CHRM2: variants seen among roughly 807,000 people sequenced by gnomAD.
CHRM2 encodes muscarinic acetylcholine receptor M2.
In CHRM2, 8 loss-of-function variants were observed where a neutral mutation model predicts 25.0. That is an observed-to-expected ratio of 0.32 (90% CI 0.19 to 0.58). CHRM2 has a LOEUF of 0.58. CHRM2 is among the 20% of genes least tolerant of loss of function. The pLI, the probability that CHRM2 is intolerant of heterozygous loss-of-function variation, is 0.88. For missense variants in CHRM2, 440 were observed against 567.1 expected (o/e 0.78, Z 2.28); for synonymous variants, 202 against 205.7 (o/e 0.98, Z 0.15).
intron 2 of CHRM2, among the ~76,000 whole-genome samples, chr7:136,945,116 A>T (rs1463026353): frequency 6.6e-6 from 1 of 151,328 alleles, no homozygotes; most frequent in Non-Finnish European, 1.5e-5. Flanking sequence ...TTCTTTATAG[A>T]TTCTGGATAT....
chr7:136,912,390 C>T (rs903219966), intron 2 of CHRM2, among the ~76,000 whole-genome samples: 1 of 151,902 alleles, frequency 6.6e-6, no homozygotes, highest in African/African-American at 2.4e-5. Flanking sequence ...TCTTGCTGAT[C>T]CATGTATATC....
chr7:136,978,699 T>C (rs1162921539), intron 2 of CHRM2, among the ~76,000 whole-genome samples: 1 of 152,094 alleles, frequency 6.6e-6, no homozygotes, highest in African/African-American at 2.4e-5. Context: ...GAACATGCAG[T>C]GTTTGGTTTT....
At chr7:136,956,415 C>T (rs1460072632) in intron 2 of CHRM2, among the ~76,000 whole-genome samples, 1 of 152,086 alleles carries the variant, frequency 6.6e-6, no homozygotes, top group African/African-American at 2.4e-5. Flanking sequence ...TCTTAGTCAT[C>T]TAGAAAAAAT....
intron 2 of CHRM2, among the ~76,000 whole-genome samples, chr7:136,912,289 T>C (rs1797884390): frequency 6.6e-6 from 1 of 151,986 alleles, no homozygotes; most frequent in Non-Finnish European, 1.5e-5. Context: ...CTTCTACAAA[T>C]AGTCAATTTA....
intron 2 of CHRM2, among the ~76,000 whole-genome samples, chr7:136,883,680 T>C (rs1421144853): frequency 6.6e-6 from 1 of 152,168 alleles, no homozygotes; most frequent in East Asian, 1.9e-4. Context: ...TCTTTCTGGT[T>C]TGTGTGGGAC....
chr7:137,015,100 T>C lies in CHRM2; in HGVS notation c.235T>C (p.Leu79=), dbSNP rs760906449. The C allele has an allele frequency of 5.0e-6, 8 of 1,613,382 alleles. No individual in the cohort carries two copies. The highest frequency in any genetic ancestry group is 1.3e-5 in the African/African-American group (1 of 74,866). Residue 79 remains leucine, a synonymous_variant, in exon 4 of 4, where the codon TTG becomes CTG. Transcript: ENST00000680005. This position sits in a 1 kb window ranked among gnomAD's most constrained non-coding sequence, Gnocchi z 5.1. ...TATCATAGGTGTTTTCTCCATGAACTTGTACACCCTCTACACTGTGATTGG... is the reference window on the plus strand; with the variant it reads ...TATCATAGGTGTTTTCTCCATGAACCTGTACACCCTCTACACTGTGATTGG... ...DLIIGVFSMN[L]YTLYTVIGYW...
chr7:136,956,279 C>A (rs186248791), intron 2 of CHRM2, among the ~76,000 whole-genome samples: 1 of 152,202 alleles, frequency 6.6e-6, no homozygotes, highest in East Asian at 1.9e-4. Flanking sequence ...TGTTAGTCAG[C>A]GGTCTTTTTG....
At chr7:136,906,257 G>A (rs538721579) in intron 2 of CHRM2, among the ~76,000 whole-genome samples, 19 of 150,804 alleles carry the variant, frequency 1.3e-4, no homozygotes, top group Admixed American at 8.6e-4. Flanking sequence ...ACATATATAT[G>A]TGTGATTAAA....
chr7:136,971,355 C>G (rs1029687059), intron 2 of CHRM2, among the ~76,000 whole-genome samples: 1 of 151,994 alleles, frequency 6.6e-6, no homozygotes. Context: ...GACTTGCTGG[C>G]CTGCAATCCC....
At chr7:136,938,880 T>C (rs1488303801) in intron 2 of CHRM2, among the ~76,000 whole-genome samples, 1 of 118,590 alleles carries the variant, frequency 8.4e-6, no homozygotes, top group Non-Finnish European at 1.6e-5. Flanking sequence ...AGTTGCTTTT[T>C]TTTTGGTCCA....
chr7:136,925,684 G>C (rs1195459532), intron 2 of CHRM2, among the ~76,000 whole-genome samples: 1 of 152,038 alleles, frequency 6.6e-6, no homozygotes, highest in African/African-American at 2.4e-5. Context: ...GGCACCTCCT[G>C]TCTCTGCAGA....
At chr7:136,972,287 AG>A (rs1265228552) in intron 2 of CHRM2, among the ~76,000 whole-genome samples, 1 of 152,160 alleles carries the variant, frequency 6.6e-6, no homozygotes, top group Non-Finnish European at 1.5e-5. Context: ...TTCTACCTTG[AG>A]GGAAATTTCT....
chr7:136,877,609 G>A (rs878916550), intron 2 of CHRM2, among the ~76,000 whole-genome samples: 2 of 152,036 alleles, frequency 1.3e-5, no homozygotes, highest in African/African-American at 4.8e-5. Context: ...GGAGGAGTTA[G>A]AGAAAGTGAG....
intron 2 of CHRM2, among the ~76,000 whole-genome samples, chr7:136,980,542 C>T (rs1020355649): frequency 4.6e-5 from 7 of 152,194 alleles, no homozygotes; most frequent in African/African-American, 1.7e-4. Flanking sequence ...GGAAATGCTT[C>T]CAGCATTTTC....
chr7:136,909,339 T>C (rs184130016), intron 2 of CHRM2, among the ~76,000 whole-genome samples: 16 of 152,102 alleles, frequency 1.1e-4, no homozygotes, highest in Middle Eastern at 3.4e-3. Context: ...AAGCATGTGC[T>C]CTTGCATTTT....
At chr7:136,886,481 C>A (rs1379619398) in intron 2 of CHRM2, among the ~76,000 whole-genome samples, 1 of 152,232 alleles carries the variant, frequency 6.6e-6, no homozygotes, top group African/African-American at 2.4e-5. Context: ...AGTGTAATTT[C>A]TTGTCGATCT....
chr7:136,956,321 T>A (rs1489476229), intron 2 of CHRM2, among the ~76,000 whole-genome samples: 1 of 152,174 alleles, frequency 6.6e-6, no homozygotes, highest in Non-Finnish European at 1.5e-5. Flanking sequence ...TATACATTCT[T>A]TTTAATGTAC....
chr7:136,954,702 C>T (rs1186285723), intron 2 of CHRM2, among the ~76,000 whole-genome samples: 3 of 152,160 alleles, frequency 2.0e-5, no homozygotes, highest in African/African-American at 7.2e-5. Context: ...TTATTCTCCA[C>T]TCTTTAACTG....
At chr7:136,885,730 A>G (rs1045626770) in intron 2 of CHRM2, among the ~76,000 whole-genome samples, 2 of 152,358 alleles carry the variant, frequency 1.3e-5, no homozygotes, top group Non-Finnish European at 2.9e-5. Context: ...TATACAATAC[A>G]CAGGTGATAA....
Sources: gnomAD v4.1 joint callset for allele counts (sites outside exome capture counted in the v4.1 genomes callset) on GRCh38, gnomAD v4.1.1 for gene constraint, Gnocchi (gnomAD v3.1) non-coding constraint, MANE v1.5 for transcripts, NCBI Gene and HGNC (gene_info 2026-07-23, HGNC 2026-07-21) for gene names.